Variants in PHACTR3 observed in about 807,000 individuals in gnomAD.
PHACTR3 encodes phosphatase and actin regulator 3, also known as protein phosphatase 1, regulatory subunit 123.
A neutral mutation model predicts 66.8 loss-of-function variants in PHACTR3; 16 were observed. The observed-to-expected ratio is 0.24, with a 90% CI of 0.16 to 0.36. The LOEUF is 0.36. PHACTR3 is among the 10% of genes least tolerant of loss of function. The pLI, the probability that PHACTR3 is intolerant of heterozygous loss-of-function variation, is 1.00. For synonymous variants in PHACTR3, 323 were observed against 292.1 expected (o/e 1.11, Z -1.08); for missense variants, 647 against 719.9 (o/e 0.90, Z 1.16).
chr20:59,669,619 A>G (rs2036123033), intron 1 of PHACTR3, among the ~76,000 whole-genome samples: 1 of 152,188 alleles, frequency 6.6e-6, no homozygotes, highest in Non-Finnish European at 1.5e-5. Flanking sequence ...GTCCATTAGG[A>G]ATCACTTCCA....
chr20:59,777,574 C>T (rs2040582386), intron 7 of PHACTR3, among the ~76,000 whole-genome samples: 1 of 152,248 alleles, frequency 6.6e-6, no homozygotes, highest in Non-Finnish European at 1.5e-5. Context: ...GACGAAGGCC[C>T]TCATTGTTGG....
intron 1 of PHACTR3, among the ~76,000 whole-genome samples, chr20:59,686,659 GTGA>G (rs1442013912): frequency 6.2e-5 from 9 of 145,468 alleles, no homozygotes; most frequent in South Asian, 2.2e-4. Flanking sequence ...GATGATGGTG[GTGA>G]TGATGATGGT....
intron 1 of PHACTR3, among the ~76,000 whole-genome samples, chr20:59,648,656 A>G (rs2035363398): frequency 6.6e-6 from 1 of 152,160 alleles, no homozygotes; most frequent in African/African-American, 2.4e-5. Flanking sequence ...GCTTACGCTG[A>G]CCTTGGTACT....
At chr20:59,744,751 G>A (rs6092822) in intron 2 of PHACTR3, among the ~76,000 whole-genome samples, 8,488 of 152,220 alleles carry the variant, frequency 0.056, 655 homozygotes, top group East Asian at 0.2. Flanking sequence ...ATCATCATTC[G>A]GCAGATCTTG....
At chr20:59,599,685 G>GAAAAC (rs58143763), upstream of PHACTR3, among the ~76,000 whole-genome samples, 9,788 of 151,886 alleles carry the variant, frequency 0.064, 375 homozygotes, top group Admixed American at 0.13. Flanking sequence ...TAGTTAACTA[G>GAAAAC]AAAACAAAAC....
chr20:59,815,801 T>A (rs796923856), intron 8 of PHACTR3, among the ~76,000 whole-genome samples: 1 of 152,134 alleles, frequency 6.6e-6, no homozygotes, highest in Non-Finnish European at 1.5e-5. Context: ...TTATGGATCA[T>A]GGGTCTGCGA....
At chr20:59,723,833 A>T (rs2146691940) in intron 1 of PHACTR3, among the ~76,000 whole-genome samples, 1 of 151,876 alleles carries the variant, frequency 6.6e-6, no homozygotes, top group South Asian at 2.1e-4. Context: ...TCGGTCCTCA[A>T]GGTCTGCTCA....
chr20:59,707,019 T>G (rs1341682375), intron 1 of PHACTR3, among the ~76,000 whole-genome samples: 1 of 152,242 alleles, frequency 6.6e-6, no homozygotes, highest in Admixed American at 6.5e-5. Context: ...AATCTTTTAG[T>G]AATGAGTACA....
intron 1 of PHACTR3, among the ~76,000 whole-genome samples, chr20:59,640,611 CT>C (rs1471938588): frequency 1.3e-5 from 2 of 152,172 alleles, no homozygotes; most frequent in Non-Finnish European, 2.9e-5. Flanking sequence ...ACTGTCAGCT[CT>C]TTGGTTTTCA....
chr20:59,611,401 A>C (rs2033839232), intron 1 of PHACTR3, among the ~76,000 whole-genome samples: 1 of 152,152 alleles, frequency 6.6e-6, no homozygotes, highest in Non-Finnish European at 1.5e-5. Flanking sequence ...CTGCAGGTGG[A>C]CCCCAGCCCT....
At chr20:59,703,731 C>T (rs1262462023) in intron 1 of PHACTR3, among the ~76,000 whole-genome samples, 1 of 151,874 alleles carries the variant, frequency 6.6e-6, no homozygotes, top group East Asian at 1.9e-4. Flanking sequence ...TTTCATCAGA[C>T]TGGAAACTCT....
intron 1 of PHACTR3, among the ~76,000 whole-genome samples, chr20:59,709,489 T>C (rs964497873): frequency 6.6e-6 from 1 of 152,330 alleles, no homozygotes; most frequent in African/African-American, 2.4e-5. Context: ...GGGTTTTTTT[T>C]CCAATCTTAC....
In PHACTR3 at chr20:59,583,657, G is replaced by A. The variant is rs568976717; in HGVS notation, c.109+6040G>A. Among the ~76,000 whole-genome samples the A allele has an allele frequency of 1.4e-4, 21 of 152,294 alleles. No individual in the cohort carries two copies. In the South Asian group the frequency reaches 1.7e-3, roughly 12 times the overall value. On this transcript the variant is annotated intron_variant, in intron 1 of 12. Coordinates refer to the PHACTR3 transcript ENST00000359926. ...TGATTCGGGATTTCTACCAGACTTC[G>A]GTAGCGGTTTATTTTAAGGAAAACA...
chr20:59,580,177 A>T (rs2032819060), intron 1 of PHACTR3, among the ~76,000 whole-genome samples: 1 of 152,082 alleles, frequency 6.6e-6, no homozygotes, highest in African/African-American at 2.4e-5. Flanking sequence ...TCAATGTTGC[A>T]TTTCAATGTT....
At position 59,697,969 on chromosome 20, in the gene PHACTR3, A is replaced by G. The variant is rs2037361083; in HGVS notation, c.119-45138A>G. On this transcript the variant is annotated intron_variant, in intron 1 of 12. Coordinates refer to ENST00000371015, the MANE Select transcript of PHACTR3 (RefSeq NM_080672.5). Reference sequence around the variant, plus strand: ...TTGCAGACACAGTTTGGCAATATCAAGTAAAATTGGAAAAACAAATGCTTT... The same window carrying G: ...TTGCAGACACAGTTTGGCAATATCAGGTAAAATTGGAAAAACAAATGCTTT... Among the ~76,000 whole-genome samples, 4 of 152,228 alleles carry G rather than the reference A, an allele frequency of 2.6e-5. No homozygotes were observed. In the South Asian group the frequency reaches 8.3e-4, roughly 32 times the overall value.
At chr20:59,629,778 C>T (rs922857093) in intron 1 of PHACTR3, among the ~76,000 whole-genome samples, 1 of 152,232 alleles carries the variant, frequency 6.6e-6, no homozygotes, top group Non-Finnish European at 1.5e-5. Context: ...AATACAGTTG[C>T]AGTGGGTGGC....
chr20:59,759,455 G>A (rs1568789915), intron 4 of PHACTR3, among the ~76,000 whole-genome samples: 2 of 152,166 alleles, frequency 1.3e-5, no homozygotes, highest in Non-Finnish European at 2.9e-5. Flanking sequence ...TTCCCACACA[G>A]CCAGGGTCGC....
At chr20:59,724,265 A>T (rs1249920682) in intron 1 of PHACTR3, among the ~76,000 whole-genome samples, 2 of 152,140 alleles carry the variant, frequency 1.3e-5, no homozygotes, top group Non-Finnish European at 2.9e-5. Context: ...ATGAAGGAGG[A>T]AATGATTTCT....
intron 8 of PHACTR3, among the ~76,000 whole-genome samples, chr20:59,815,186 A>T (rs2041849502): frequency 6.6e-6 from 1 of 152,280 alleles, no homozygotes; most frequent in Non-Finnish European, 1.5e-5. Context: ...GAGGGACCTC[A>T]TCGGGGGGAA....
Sources: allele counts gnomAD v4.1 joint callset (sites outside exome capture counted in the v4.1 genomes callset), GRCh38; gene constraint gnomAD v4.1.1; transcripts MANE v1.5; gene names NCBI Gene and HGNC (gene_info 2026-07-23, HGNC 2026-07-21).